The following NSD1 variants were observed in gnomAD, a reference collection of about 807,000 sequenced individuals.
NSD1 encodes histone-lysine N-methyltransferase, H3 lysine-36 specific.
In NSD1, 26 loss-of-function variants were observed where a neutral mutation model predicts 242.7. The ratio of observed to expected loss-of-function variants is 0.11; its 90% CI spans 0.08 to 0.15. The LOEUF is 0.15. Ranked by LOEUF, NSD1 falls within the 10% of genes least tolerant of loss-of-function variation. NSD1 has a pLI of 1.00. For missense variants in NSD1, 2,495 were observed against 3,272.8 expected (o/e 0.76, Z 5.80); for synonymous variants, 1,106 against 1,178.1 (o/e 0.94, Z 1.25).
At position 177,297,075 on chromosome 5, in the gene NSD1, C is replaced by T. The variant is rs1257121795; in HGVS notation, c.*1616C>T. ...ACAGTAGTTATTATAGAAGCATTTG[C>T]GCTTTATCTAAAGATTAAAAATAGA... On this transcript the variant is annotated 3_prime_UTR_variant, in exon 23 of 23. Coordinates refer to ENST00000439151, the MANE Select transcript of NSD1 (RefSeq NM_022455.5). The T allele has an allele frequency of 1.7e-5, 4 of 233,022 alleles. No homozygotes were observed. The highest frequency in any genetic ancestry group is 4.4e-5 in the African/African-American group (2 of 45,318). 14.4% of individuals were successfully genotyped at this position (233,022 alleles called of 1,614,324 possible). A position where few individuals can be genotyped will look rare whatever the true frequency, so the allele number is the denominator to read the frequency against.
intron 8 of NSD1, among the ~76,000 whole-genome samples, chr5:177,242,961 G>A (rs1159660135): frequency 6.6e-6 from 1 of 152,234 alleles, no homozygotes; most frequent in Non-Finnish European, 1.5e-5. Context: ...TATATTAGTA[G>A]TGGGTGAGGT....
At chr5:177,186,517 A>G (rs1761246903) in intron 2 of NSD1, among the ~76,000 whole-genome samples, 1 of 152,124 alleles carries the variant, frequency 6.6e-6, no homozygotes, top group African/African-American at 2.4e-5. Context: ...TGCTAGAAAA[A>G]TTCATTAGTG....
intron 5 of NSD1, among the ~76,000 whole-genome samples, chr5:177,218,713 GC>G (rs1011097642): frequency 6.6e-6 from 1 of 151,482 alleles, no homozygotes; most frequent in Non-Finnish European, 1.5e-5. Flanking sequence ...GACTACAGGC[GC>G]CCCCCACCAC....
At chr5:177,287,731 C>T (rs912993264) in intron 20 of NSD1, among the ~76,000 whole-genome samples, 1 of 152,130 alleles carries the variant, frequency 6.6e-6, no homozygotes, top group African/African-American at 2.4e-5. Context: ...GAAACATGAC[C>T]CTCCCGTTAA....
chr5:177,266,893 G>A (rs997562351), intron 14 of NSD1, among the ~76,000 whole-genome samples: 10 of 152,172 alleles, frequency 6.6e-5, no homozygotes, highest in Non-Finnish European at 1.2e-4. Flanking sequence ...TGAGGCAAGA[G>A]CCTTGCTGTC....
At chr5:177,145,074 G>T (rs1757123515) in intron 2 of NSD1, among the ~76,000 whole-genome samples, 2 of 133,560 alleles carry the variant, frequency 1.5e-5, no homozygotes, top group South Asian at 4.6e-4. Flanking sequence ...GACAGAGTGA[G>T]ACTTTGTCTC....
At chr5:177,244,948 A>T (rs1766162932) in intron 9 of NSD1, among the ~76,000 whole-genome samples, 1 of 152,226 alleles carries the variant, frequency 6.6e-6, no homozygotes, top group African/African-American at 2.4e-5. Flanking sequence ...ATGGTGGCCC[A>T]CAACTGCAAT....
rs1581127834 is a variant in NSD1, at chr5:177,148,138, A to T, written c.927+12108A>T. Among the ~76,000 whole-genome samples, 5 of 150,706 alleles carry T rather than the reference A, an allele frequency of 3.3e-5. 1 individual carries two copies. The highest frequency in any genetic ancestry group is 3.3e-4 in the Admixed American group (5 of 15,092). On this transcript the variant is annotated intron_variant, in intron 2 of 22. Coordinates refer to ENST00000439151, the MANE Select transcript of NSD1 (RefSeq NM_022455.5). ...TGTTAAGTTTTTTTTTTTTCCTGAG[A>T]GGGAGTTTCGATCTTGTTGCCCAGG... is the stretch of plus-strand genomic sequence containing the variant.
At chr5:177,190,773 C>T (rs530633023) in intron 2 of NSD1, among the ~76,000 whole-genome samples, 1 of 147,906 alleles carries the variant, frequency 6.8e-6, no homozygotes, top group African/African-American at 2.5e-5. Context: ...GGGTTCACGC[C>T]ATTCTCCTGC....
chr5:177,227,029 G>A (rs985210472), intron 5 of NSD1, among the ~76,000 whole-genome samples: 1 of 152,126 alleles, frequency 6.6e-6, no homozygotes, highest in South Asian at 2.1e-4. Flanking sequence ...ATGTACTAGA[G>A]GTATTCTGTT....
intron 5 of NSD1, among the ~76,000 whole-genome samples, chr5:177,218,873 CT>C (rs1026299901): frequency 4.3e-4 from 63 of 148,140 alleles, no homozygotes; most frequent in African/African-American, 6.4e-4. Context: ...CCGGCCCCCC[CT>C]TTTTTTTTTC....
At chr5:177,246,011 C>T (rs1023634808) in intron 9 of NSD1, among the ~76,000 whole-genome samples, 6 of 150,854 alleles carry the variant, frequency 4.0e-5, no homozygotes, top group Non-Finnish European at 8.8e-5. Context: ...GCTCTTGTTA[C>T]CCAGGCTGGA....
chr5:177,182,383 A>G (rs868070952), intron 2 of NSD1, among the ~76,000 whole-genome samples: 4 of 152,178 alleles, frequency 2.6e-5, no homozygotes, highest in Admixed American at 6.6e-5. Flanking sequence ...GCAAGCAGCC[A>G]TGAACACTGA....
intron 2 of NSD1, among the ~76,000 whole-genome samples, chr5:177,149,568 G>A (rs776949850): frequency 3.3e-5 from 5 of 152,072 alleles, no homozygotes; most frequent in Non-Finnish European, 7.4e-5. Flanking sequence ...AGCCTTTTTG[G>A]CACCAGGGAC....
intron 5 of NSD1, among the ~76,000 whole-genome samples, chr5:177,214,790 C>T (rs138990429): frequency 3.1e-4 from 47 of 151,824 alleles, no homozygotes; most frequent in African/African-American, 1.0e-3. Context: ...GCCTCTGCCT[C>T]GTGGGTTCAA....
chr5:177,251,483 C>A (rs540650300), intron 11 of NSD1, among the ~76,000 whole-genome samples: 2 of 152,126 alleles, frequency 1.3e-5, no homozygotes, highest in Non-Finnish European at 2.9e-5. Flanking sequence ...CTCTTGAACT[C>A]GTTTTCCATG....
rs1217405325 is a variant in NSD1 at position 177,179,619 on chromosome 5, A to AC, written c.928-12265_928-12264insC. Among the ~76,000 whole-genome samples, 4 of 152,256 alleles carry AC rather than the reference A, an allele frequency of 2.6e-5. No individual in the cohort carries two copies. The East Asian group carries it at 7.7e-4, about 29-fold the overall frequency. ...GCTGCTTTGACTTGGAATGTGGAGC[A>AC]GCCAGCTTTCTTATCACCCTCTTGG... On this transcript the variant is annotated intron_variant, in intron 2 of 22. Coordinates refer to ENST00000439151, the MANE Select transcript of NSD1 (RefSeq NM_022455.5).
At chr5:177,251,051 A>G (rs1422551715) in intron 11 of NSD1, among the ~76,000 whole-genome samples, 1 of 152,074 alleles carries the variant, frequency 6.6e-6, no homozygotes, top group Non-Finnish European at 1.5e-5. Flanking sequence ...TTAGCTGGGC[A>G]TGGTGGCGCA....
intron 20 of NSD1, among the ~76,000 whole-genome samples, chr5:177,286,590 C>T (rs1469807148): frequency 2.6e-5 from 4 of 152,176 alleles, no homozygotes; most frequent in Non-Finnish European, 5.9e-5. Flanking sequence ...TTACTTTTAT[C>T]CTTGGATGTC....
Sources: gnomAD v4.1 joint callset for allele counts (sites outside exome capture counted in the v4.1 genomes callset) on GRCh38, gnomAD v4.1.1 for gene constraint, MANE v1.5 for transcripts, NCBI Gene and HGNC (gene_info 2026-07-23, HGNC 2026-07-21) for gene names.